The following PCA3 variants were observed in gnomAD, a reference collection of about 807,000 sequenced individuals.
The protein encoded by PCA3 is Differential Display code 3.
intron 2 of PCA3, chr9:76,783,693 A>G (rs1297225778): frequency 2.6e-5 from 4 of 152,200 alleles, no homozygotes; most frequent in African/African-American, 9.7e-5. Context: ...AAATGGTCGT[A>G]TGTATTTCCA....
At chr9:76,766,640 C>T (rs990827315) in intron 2 of PCA3, among the ~76,000 whole-genome samples, 7 of 152,104 alleles carry the variant, frequency 4.6e-5, no homozygotes, top group African/African-American at 1.4e-4. Flanking sequence ...TTTCATCCTG[C>T]GCCACTTCCC....
intron 2 of PCA3, among the ~76,000 whole-genome samples, chr9:76,774,462 T>TTTTTA (rs2053510632): frequency 9.6e-6 from 1 of 104,252 alleles, no homozygotes; most frequent in Non-Finnish European, 2.2e-5. Flanking sequence ...TTTTTTTTTT[T>TTTTTA]TTTTTTTTTT....
Sources: allele counts gnomAD v4.1 joint callset (sites outside exome capture counted in the v4.1 genomes callset), GRCh38; gene constraint gnomAD v4.1.1; transcripts MANE v1.5; gene names NCBI Gene and HGNC (gene_info 2026-07-23, HGNC 2026-07-21).